Variants in TAFA4 observed in about 807,000 individuals in gnomAD.
TAFA4 encodes chemokine-like protein TAFA-4.
Under a neutral mutation model 21.1 loss-of-function variants are expected in TAFA4, and 20 were observed. That is an observed-to-expected ratio of 0.95 (90% confidence interval 0.67 to 1.38). TAFA4 has a LOEUF of 1.38. Among genes scored for constraint, TAFA4 ranks in the 40% most tolerant of loss-of-function variants. The pLI is 0.00. For synonymous variants in TAFA4, 71 were observed against 67.4 expected (o/e 1.05, Z -0.26); for missense variants, 211 against 180.9 (o/e 1.17, Z -0.95).
intron 3 of TAFA4, among the ~76,000 whole-genome samples, chr3:68,826,005 C>G (rs1027663258): frequency 6.6e-6 from 1 of 152,152 alleles, no homozygotes; most frequent in Non-Finnish European, 1.5e-5. Flanking sequence ...ACCCTCACAA[C>G]AAGCAAGGAT....
intron 3 of TAFA4, among the ~76,000 whole-genome samples, chr3:68,819,936 T>C (rs961054421): frequency 4.6e-5 from 7 of 152,168 alleles, no homozygotes; most frequent in African/African-American, 1.7e-4. Flanking sequence ...CTACCAGATA[T>C]GCATCCAAAG....
At chr3:68,806,358 A>C (rs1703697946) in intron 3 of TAFA4, among the ~76,000 whole-genome samples, 1 of 152,228 alleles carries the variant, frequency 6.6e-6, no homozygotes, top group Non-Finnish European at 1.5e-5. Context: ...ACAAACAAGA[A>C]AAATGTTTTA....
rs187364826 is a variant in TAFA4, at chr3:68,853,894, T to C, written c.130+26836A>G. On this transcript the variant is annotated intron_variant, in intron 3 of 5. Transcript: ENST00000295569. Reference sequence around the variant, plus strand: ...AGAGCATACAGAAATAAACAGGGCATGATGCCTGTCATATTTTCAAACTCA... The same window carrying C: ...AGAGCATACAGAAATAAACAGGGCACGATGCCTGTCATATTTTCAAACTCA... 2.0e-3 allele frequency among the ~76,000 whole-genome samples: 302 copies of C among 152,298 alleles called. 9 individuals are homozygous for C. Among genetic ancestry groups the C allele is most frequent in the Non-Finnish European group, 2.5e-4 (17 of 68,030 alleles).
intron 3 of TAFA4, among the ~76,000 whole-genome samples, chr3:68,756,597 T>C (rs577028598): frequency 1.3e-5 from 2 of 152,312 alleles, no homozygotes; most frequent in South Asian, 4.1e-4. Flanking sequence ...CATGCCATCT[T>C]CAACGTCGAT....
intron 3 of TAFA4, among the ~76,000 whole-genome samples, chr3:68,828,009 T>G (rs1177612993): frequency 5.3e-5 from 8 of 152,208 alleles, no homozygotes; most frequent in African/African-American, 1.4e-4. Flanking sequence ...GTTTTTGTGG[T>G]TTTAGGTCTT....
chr3:68,742,288 A>G lies in TAFA4; in HGVS notation c.287-3089T>C, dbSNP rs186136139. On this transcript the variant is annotated intron_variant, in intron 4 of 5. Transcript: ENST00000295569. ...CATTTCTATTCAATAGAGTACCAAA[A>G]GTCTTAGAGCAAGCAGGCAAGAAAA... 2.3e-3 allele frequency among the ~76,000 whole-genome samples: 343 copies of G among 152,356 alleles called. 3 individuals carry two copies. In the East Asian group the frequency reaches 0.05, roughly 22 times the overall value.
rs115494303 is a variant in TAFA4, at chr3:68,741,917, A to C, written c.287-2718T>G. Among the ~76,000 whole-genome samples, 1,208 of 152,356 alleles carry C rather than the reference A, an allele frequency of 7.9e-3. 16 individuals are homozygous for C. The highest frequency in any genetic ancestry group is 0.027 in the African/African-American group (1,123 of 41,580). On this transcript the variant is annotated intron_variant, in intron 4 of 5. Coordinates refer to ENST00000295569, the MANE Select transcript of TAFA4 (RefSeq NM_182522.5). ...CTTCATGCCAAAGCCAGATTAGGAC[A>C]CTACAAAAAAGAAAATTATAGGCCA...
intron 2 of TAFA4, 39 bp downstream of exon 2, chr3:68,885,136 A>G (rs908464007): frequency 1.9e-6 from 3 of 1,605,784 alleles, no homozygotes; most frequent in African/African-American, 2.7e-5. Context: ...AATACTTTGT[A>G]AAGATATCAT....
rs1263148169 is a variant in TAFA4, at chr3:68,807,647, C to T, written c.131-54629G>A. 5.9e-5 allele frequency among the ~76,000 whole-genome samples: 9 copies of T among 152,304 alleles called. No homozygotes were observed. In the East Asian group the frequency reaches 1.7e-3, roughly 29 times the overall value. ...CCTGACTTGACTTTGCACCTGAATACAAAGTATGTTTATATAGTGTTAGAA... is the reference window on the plus strand; with the variant it reads ...CCTGACTTGACTTTGCACCTGAATATAAAGTATGTTTATATAGTGTTAGAA... On this transcript the variant is annotated intron_variant, in intron 3 of 5. Coordinates refer to ENST00000295569, the MANE Select transcript of TAFA4 (RefSeq NM_182522.5).
At chr3:68,749,195 G>A (rs1340245738) in intron 4 of TAFA4, among the ~76,000 whole-genome samples, 1 of 152,148 alleles carries the variant, frequency 6.6e-6, no homozygotes, top group Non-Finnish European at 1.5e-5. Context: ...TTTGGCAGAA[G>A]GGGAACAGCT....
chr3:68,927,103 GCCC>G (rs1020750067), intron 1 of TAFA4, among the ~76,000 whole-genome samples: 3 of 152,020 alleles, frequency 2.0e-5, no homozygotes, highest in Non-Finnish European at 4.4e-5. Flanking sequence ...GAGCAAAATT[GCCC>G]CCCATTGGAG....
intron 2 of TAFA4, among the ~76,000 whole-genome samples, chr3:68,884,399 T>G (rs1393931418): frequency 1.3e-5 from 2 of 152,228 alleles, no homozygotes; most frequent in East Asian, 1.9e-4. Flanking sequence ...CTCCAGTTCC[T>G]GCCAGAAGGG....
chr3:68,734,047 A>C (rs1702197769), intron 5 of TAFA4, among the ~76,000 whole-genome samples: 1 of 152,052 alleles, frequency 6.6e-6, no homozygotes, highest in African/African-American at 2.4e-5. Flanking sequence ...TCAGCTCTGC[A>C]GGCCATACAG....
At chr3:68,926,788 G>A (rs1035944705) in intron 1 of TAFA4, among the ~76,000 whole-genome samples, 1 of 152,096 alleles carries the variant, frequency 6.6e-6, no homozygotes, top group African/African-American at 2.4e-5. Context: ...ACAGGTGCCT[G>A]TAATCCCAGC....
At chr3:68,745,241 G>A (rs1223568906) in intron 4 of TAFA4, among the ~76,000 whole-genome samples, 2 of 152,180 alleles carry the variant, frequency 1.3e-5, no homozygotes, top group Admixed American at 6.5e-5. Context: ...CTCACTAGCA[G>A]GGACAAAGGA....
At chr3:68,905,766 T>C (rs1045167953) in intron 1 of TAFA4, among the ~76,000 whole-genome samples, 1 of 152,186 alleles carries the variant, frequency 6.6e-6, no homozygotes, top group African/African-American at 2.4e-5. Flanking sequence ...ACATCTGTTA[T>C]AATCAGGAGT....
At chr3:68,927,624 C>A (rs1194960670) in intron 1 of TAFA4, among the ~76,000 whole-genome samples, 1 of 152,172 alleles carries the variant, frequency 6.6e-6, no homozygotes, top group Non-Finnish European at 1.5e-5. Flanking sequence ...TATAGCCAGG[C>A]ACAGTAGCTC....
At chr3:68,921,718 C>T (rs1029431261) in intron 1 of TAFA4, among the ~76,000 whole-genome samples, 21 of 152,308 alleles carry the variant, frequency 1.4e-4, no homozygotes, top group African/African-American at 4.8e-4. Flanking sequence ...AACGGAATTC[C>T]TGTATGTCAC....
intron 1 of TAFA4, among the ~76,000 whole-genome samples, chr3:68,901,390 T>C (rs2089842754): frequency 2.0e-5 from 3 of 152,114 alleles, no homozygotes; most frequent in Admixed American, 2.0e-4. Flanking sequence ...ATTAGCCCAT[T>C]TCATAGATAG....
Sources: allele counts gnomAD v4.1 joint callset (sites outside exome capture counted in the v4.1 genomes callset), GRCh38; gene constraint gnomAD v4.1.1; transcripts MANE v1.5; gene names NCBI Gene and HGNC (gene_info 2026-07-23, HGNC 2026-07-21).